MLIP: variants seen among roughly 807,000 people sequenced by gnomAD.
The protein encoded by MLIP is muscular LMNA-interacting protein.
In MLIP, 79 loss-of-function variants were observed where a neutral mutation model predicts 84.8. That is an observed-to-expected ratio of 0.93 (90% confidence interval 0.78 to 1.12). MLIP has a LOEUF of 1.12. MLIP is among the 50% of genes most tolerant of loss of function. MLIP has a pLI of 0.00. For missense variants in MLIP, 1,257 were observed against 1,160.6 expected, an observed-to-expected ratio of 1.08 and a Z score of -1.21; for synonymous variants, 504 against 463.0, an observed-to-expected ratio of 1.09 and a Z score of -1.14.
intron 1 of MLIP, among the ~76,000 whole-genome samples, chr6:54,029,638 T>A (rs1228777466): frequency 6.6e-6 from 1 of 152,176 alleles, no homozygotes; most frequent in Non-Finnish European, 1.5e-5. Flanking sequence ...CAACTTTTTT[T>A]TTCTGTTCAG....
intron 3 of MLIP, among the ~76,000 whole-genome samples, chr6:54,136,445 T>A (rs1174852781): frequency 6.6e-6 from 1 of 152,234 alleles, no homozygotes; most frequent in Non-Finnish European, 1.5e-5. Context: ...TGTCAACGAA[T>A]TATCTTCCAA....
chr6:54,113,563 G>A (rs1230308499), intron 1 of MLIP, among the ~76,000 whole-genome samples: 2 of 152,068 alleles, frequency 1.3e-5, no homozygotes, highest in African/African-American at 4.8e-5. Flanking sequence ...ATCTTTAAAG[G>A]CGAAAAGAAT....
chr6:54,263,436 A>AG lies in MLIP; in HGVS notation c.2977-2512dup, dbSNP rs1332151399. 3.3e-5 allele frequency among the ~76,000 whole-genome samples: 5 copies of AG among 152,094 alleles called. No homozygotes were observed. The East Asian group carries it at 7.7e-4, about 23-fold the overall frequency. ...ATGCACAAAACATTTGAAATCTTTC[A>AG]GGAAAAAAAAAGAACATGCAGCATT... On this transcript the variant is annotated intron_variant, in intron 13 of 13. Coordinates refer to ENST00000502396, the MANE Select transcript of MLIP (RefSeq NM_001281747.2).
intron 4 of MLIP, among the ~76,000 whole-genome samples, chr6:54,142,156 A>G (rs1468516868): frequency 6.6e-6 from 1 of 152,254 alleles, no homozygotes; most frequent in Non-Finnish European, 1.5e-5. Flanking sequence ...CAAGCAAATC[A>G]GTCATTCAAT....
chr6:54,264,783 G>C (rs1056312324), intron 13 of MLIP, among the ~76,000 whole-genome samples: 1 of 152,042 alleles, frequency 6.6e-6, no homozygotes, highest in Admixed American at 6.6e-5. Context: ...AATTCCAGAT[G>C]ATGAAAGCTA....
intron 1 of MLIP, chr6:54,045,468 G>C (rs763886988): frequency 6.6e-6 from 1 of 152,084 alleles, no homozygotes; most frequent in South Asian, 2.1e-4. Context: ...CTTGTGAGTC[G>C]TCGTGACTTT....
Position 54,137,977 on chromosome 6 carries a change from G to A in MLIP, c.1908G>A (p.Leu636=). 1 of 1,536,106 alleles carries A rather than the reference G, an allele frequency of 6.5e-7. No individual in the cohort carries two copies. The highest frequency in any genetic ancestry group is 1.2e-5 in the South Asian group (1 of 84,054). The change falls in exon 4 of 14, where the codon CTG becomes CTA. Residue 636 remains leucine (L), a synonymous_variant. Transcript: ENST00000502396. ...RASSQLSGQE[L]NPSALPSLPV... ...CATCCCAACTATCTGGCCAGGAGCT[G>A]AATCCTTCAGCTCTTCCTTCACTCC... is the stretch of plus-strand genomic sequence containing the variant.
At chr6:54,029,683 T>C (rs1764016604) in intron 1 of MLIP, among the ~76,000 whole-genome samples, 1 of 152,170 alleles carries the variant, frequency 6.6e-6, no homozygotes, top group African/African-American at 2.4e-5. Flanking sequence ...AATCATTGCA[T>C]AAGTTATGTT....
At chr6:54,124,075 C>T (rs1770698701) in intron 2 of MLIP, among the ~76,000 whole-genome samples, 1 of 152,102 alleles carries the variant, frequency 6.6e-6, no homozygotes, top group Non-Finnish European at 1.5e-5. Flanking sequence ...ATGGGGATTT[C>T]CTTCCTCCCT....
In MLIP at chr6:54,200,241, G is replaced by A. The variant is rs548815020; in HGVS notation, c.2590-1864G>A. Among the ~76,000 whole-genome samples, 4 of 152,244 alleles carry A rather than the reference G, an allele frequency of 2.6e-5. No individual in the cohort carries two copies. The South Asian group carries it at 8.3e-4, about 32-fold the overall frequency. ...CAAACATCTGCCTGCTTGCGATAAAGGGACCCAGGCAGTCATATTTCTCTG... is the reference window on the plus strand; with the variant it reads ...CAAACATCTGCCTGCTTGCGATAAAAGGACCCAGGCAGTCATATTTCTCTG... On this transcript the variant is annotated intron_variant, in intron 10 of 13. Transcript: ENST00000502396.
chr6:54,055,646 A>G (rs1765620392), intron 1 of MLIP, among the ~76,000 whole-genome samples: 1 of 152,126 alleles, frequency 6.6e-6, no homozygotes, highest in Admixed American at 6.5e-5. Context: ...GTGAGGGGAA[A>G]GAGACAATAA....
chr6:54,032,813 C>A (rs887111745), intron 1 of MLIP, among the ~76,000 whole-genome samples: 10 of 152,158 alleles, frequency 6.6e-5, no homozygotes, highest in African/African-American at 2.2e-4. Context: ...CTTGGCCTCC[C>A]AAAGAGGGAT....
intron 10 of MLIP, among the ~76,000 whole-genome samples, chr6:54,190,312 G>T (rs896437740): frequency 3.3e-5 from 5 of 152,082 alleles, no homozygotes; most frequent in Admixed American, 6.6e-5. Flanking sequence ...TGTCACACAG[G>T]AGAATTAGCA....
At chr6:54,123,753 A>C (rs1770668148) in intron 2 of MLIP, among the ~76,000 whole-genome samples, 1 of 152,244 alleles carries the variant, frequency 6.6e-6, no homozygotes, top group Non-Finnish European at 1.5e-5. Flanking sequence ...GGGTCTTTTA[A>C]ACACAATCTC....
At chr6:54,083,689 C>T (rs1333226813) in intron 1 of MLIP, 18 of 1,458,622 alleles carry the variant, frequency 1.2e-5, no homozygotes, top group Non-Finnish European at 1.7e-5. Flanking sequence ...TCAATGATAG[C>T]TGTGTACTGT....
chr6:54,122,527 G>A (rs752335474), intron 2 of MLIP, among the ~76,000 whole-genome samples: 1 of 152,136 alleles, frequency 6.6e-6, no homozygotes, highest in Non-Finnish European at 1.5e-5. Context: ...TGTTATTCTT[G>A]ACACAATTAG....
Position 54,137,432 on chromosome 6 carries a change from G to GA in MLIP, c.1367dup (p.Gln457AlafsTer7). 6.5e-7 allele frequency: 1 copy of GA among 1,535,898 alleles called. No homozygotes were observed. The highest frequency in any genetic ancestry group is 1.2e-5 in the South Asian group (1 of 84,040). On this transcript the variant is annotated frameshift_variant, in exon 4 of 14. Transcript: ENST00000502396. LOFTEE classifies it high-confidence loss of function. ...TTCCACGCTCACACTTGACCAAAAA[G>GA]AAAAGCAGACCCCACCCACGCCTAA...
intron 12 of MLIP, among the ~76,000 whole-genome samples, chr6:54,236,103 T>C (rs760046734): frequency 6.6e-6 from 1 of 152,202 alleles, no homozygotes; most frequent in Non-Finnish European, 1.5e-5. Flanking sequence ...CCCTTTGCCA[T>C]AGGGAACTCC....
intron 4 of MLIP, among the ~76,000 whole-genome samples, chr6:54,139,289 T>C (rs1390393157): frequency 1.3e-5 from 2 of 152,188 alleles, no homozygotes; most frequent in African/African-American, 2.4e-5. Context: ...GCAAAATTAA[T>C]TGTGTAAGTC....
Sources: gnomAD v4.1 joint callset for allele counts (sites outside exome capture counted in the v4.1 genomes callset) on GRCh38, gnomAD v4.1.1 for gene constraint, MANE v1.5 for transcripts, NCBI Gene and HGNC (gene_info 2026-07-23, HGNC 2026-07-21) for gene names.